FSTL5: variants seen among roughly 807,000 people sequenced by gnomAD.
FSTL5 encodes follistatin like 5.
Under a neutral mutation model 89.1 loss-of-function variants are expected in FSTL5, and 62 were observed. The ratio of observed to expected loss-of-function variants is 0.70; its 90% CI spans 0.57 to 0.86. The LOEUF (loss-of-function observed/expected upper bound fraction) is 0.86. Ranked by LOEUF, FSTL5 falls within the 40% of genes least tolerant of loss-of-function variation. The probability of loss-of-function intolerance (pLI) is 0.00; values close to 1 mark genes in which losing one functional copy is unlikely to be tolerated. For missense variants in FSTL5, 1,057 were observed against 1,001.6 expected (o/e 1.06, Z -0.75); for synonymous variants, 383 against 346.2 (o/e 1.11, Z -1.18).
intron 4 of FSTL5, among the ~76,000 whole-genome samples, chr4:161,807,406 T>C (rs1270490294): frequency 5.9e-5 from 9 of 152,138 alleles, no homozygotes; most frequent in Non-Finnish European, 1.3e-4. Flanking sequence ...GTATGGGAGA[T>C]ACAGTTGACC....
intron 15 of FSTL5, among the ~76,000 whole-genome samples, chr4:161,411,868 T>G (rs960330078): frequency 6.6e-6 from 1 of 152,086 alleles, no homozygotes; most frequent in Non-Finnish European, 1.5e-5. Context: ...AAGAAAGGAA[T>G]AAAAGGCATC....
chr4:161,644,292 C>G (rs143795824), intron 7 of FSTL5, among the ~76,000 whole-genome samples: 1 of 151,870 alleles, frequency 6.6e-6, no homozygotes, highest in Non-Finnish European at 1.5e-5. Flanking sequence ...TTTGGGAGGC[C>G]AAGGAGGGCA....
At chr4:161,599,446 G>A (rs1167126738) in intron 7 of FSTL5, among the ~76,000 whole-genome samples, 1 of 152,022 alleles carries the variant, frequency 6.6e-6, no homozygotes, top group Non-Finnish European at 1.5e-5. Context: ...TTTTTCTATA[G>A]TAATGTTTAT....
In FSTL5 at chr4:161,708,601, T is replaced by A. The variant is rs569796076; in HGVS notation, c.727+50810A>T. 1.8e-4 allele frequency among the ~76,000 whole-genome samples: 27 copies of A among 152,186 alleles called. No individual in the cohort carries two copies. The South Asian group carries it at 5.2e-3, about 29-fold the overall frequency. On this transcript the variant is annotated intron_variant, in intron 6 of 15. Transcript: ENST00000306100. ...ACTTATGCTAAATTAAAGTCATTTA[T>A]ATAAATTATTTTAAAAATTTTCCAA... is the stretch of plus-strand genomic sequence containing the variant.
intron 6 of FSTL5, among the ~76,000 whole-genome samples, chr4:161,688,122 A>C (rs1737806712): frequency 6.6e-6 from 1 of 152,140 alleles, no homozygotes; most frequent in Admixed American, 6.5e-5. Context: ...TCCCTCTGTC[A>C]CTCAGGCTGG....
At chr4:161,710,128 C>T (rs565702599) in intron 6 of FSTL5, among the ~76,000 whole-genome samples, 1 of 152,016 alleles carries the variant, frequency 6.6e-6, no homozygotes, top group African/African-American at 2.4e-5. Flanking sequence ...ACCACCATGC[C>T]CAGCTAATTT....
chr4:161,555,618 T>C (rs1732360653), intron 8 of FSTL5, among the ~76,000 whole-genome samples: 1 of 151,636 alleles, frequency 6.6e-6, no homozygotes, highest in Non-Finnish European at 1.5e-5. Context: ...TCTAATACTT[T>C]CTGCTATGCT....
chr4:161,913,702 T>G (rs1456078310), intron 4 of FSTL5, among the ~76,000 whole-genome samples: 1 of 152,146 alleles, frequency 6.6e-6, no homozygotes, highest in East Asian at 1.9e-4. Context: ...GTGACCTGGA[T>G]GTGAGACCTG....
chr4:162,115,763 A>G (rs1278297196), intron 1 of FSTL5, among the ~76,000 whole-genome samples: 1 of 152,216 alleles, frequency 6.6e-6, no homozygotes, highest in Non-Finnish European at 1.5e-5. Flanking sequence ...AAAAGATAAT[A>G]TGTTTCTTTG....
chr4:161,618,599 C>T (rs1474738415), intron 7 of FSTL5, among the ~76,000 whole-genome samples: 9 of 152,114 alleles, frequency 5.9e-5, no homozygotes, highest in Admixed American at 2.0e-4. Context: ...TTTTTCTCTT[C>T]GGTTCTGTTT....
At chr4:161,812,282 G>A (rs1053392632) in intron 4 of FSTL5, among the ~76,000 whole-genome samples, 2 of 152,186 alleles carry the variant, frequency 1.3e-5, no homozygotes, top group African/African-American at 4.8e-5. Context: ...AGAAAGCACT[G>A]TGAATTTTCA....
intron 6 of FSTL5, among the ~76,000 whole-genome samples, chr4:161,717,312 A>T (rs1739020919): frequency 6.6e-6 from 1 of 152,204 alleles, no homozygotes; most frequent in Non-Finnish European, 1.5e-5. Context: ...ACATCTGAGT[A>T]GATCAATAGG....
chr4:162,041,330 CA>C (rs1188625685), intron 2 of FSTL5, among the ~76,000 whole-genome samples: 1 of 151,442 alleles, frequency 6.6e-6, no homozygotes, highest in Non-Finnish European at 1.5e-5. Flanking sequence ...TGCAAAACAG[CA>C]AATAGTGTTG....
intron 5 of FSTL5, among the ~76,000 whole-genome samples, chr4:161,767,524 A>G (rs893093042): frequency 1.1e-4 from 16 of 152,204 alleles, no homozygotes; most frequent in African/African-American, 3.6e-4. Context: ...CTGAGATTTT[A>G]CAACAGCCCC....
At chr4:162,019,800 G>T (rs1737020216) in intron 3 of FSTL5, among the ~76,000 whole-genome samples, 1 of 149,970 alleles carries the variant, frequency 6.7e-6, no homozygotes, top group African/African-American at 2.4e-5. Flanking sequence ...GTATGTGTGT[G>T]TTATGATATG....
At chr4:162,104,336 T>C (rs2111391159) in intron 2 of FSTL5, among the ~76,000 whole-genome samples, 2 of 152,248 alleles carry the variant, frequency 1.3e-5, no homozygotes, top group East Asian at 3.9e-4. Context: ...CAATACTCCA[T>C]TCCTTGGAAT....
intron 4 of FSTL5, among the ~76,000 whole-genome samples, chr4:161,903,674 G>GT (rs1733436528): frequency 6.6e-6 from 1 of 151,920 alleles, no homozygotes; most frequent in African/African-American, 2.4e-5. Flanking sequence ...ACATTCATAG[G>GT]TTTTTTAATT....
At chr4:161,768,668 G>T (rs1210784193) in intron 5 of FSTL5, among the ~76,000 whole-genome samples, 1 of 151,784 alleles carries the variant, frequency 6.6e-6, no homozygotes, top group Non-Finnish European at 1.5e-5. Flanking sequence ...TTTGCAAATG[G>T]ATGTTTTTTT....
intron 6 of FSTL5, among the ~76,000 whole-genome samples, chr4:161,697,928 A>T (rs1738230181): frequency 6.7e-6 from 1 of 148,566 alleles, no homozygotes. Context: ...TCAGTTACAA[A>T]ATATGGGAAG....
Sources: allele counts gnomAD v4.1 joint callset (sites outside exome capture counted in the v4.1 genomes callset), GRCh38; gene constraint gnomAD v4.1.1; transcripts MANE v1.5; gene names NCBI Gene and HGNC (gene_info 2026-07-23, HGNC 2026-07-21).